SEC14L3: variants seen among roughly 807,000 people sequenced by gnomAD.
SEC14L3 encodes the protein SEC14 like lipid binding 3.
Under a neutral mutation model 57.4 loss-of-function variants are expected in SEC14L3, and 56 were observed. The ratio of observed to expected loss-of-function variants is 0.97; its 90% CI spans 0.79 to 1.22. The LOEUF (loss-of-function observed/expected upper bound fraction) is 1.22. SEC14L3 is among the 50% of genes most tolerant of loss of function. The pLI is 0.00. For missense variants in SEC14L3, 485 were observed against 511.7 expected, an observed-to-expected ratio of 0.95 and a Z score of 0.50; for synonymous variants, 173 against 194.4, an observed-to-expected ratio of 0.89 and a Z score of 0.92.
downstream of SEC14L3, among the ~76,000 whole-genome samples, chr22:30,458,647 C>G (rs4820850): frequency 0.7 from 107,164 of 152,132 alleles, 38,744 homozygotes; most frequent in African/African-American, 0.86. Context: ...TCTCAGCCTC[C>G]CCAAGGGCTG....
chr22:30,470,037 A>G lies in SEC14L3; in HGVS notation c.216T>C (p.Leu72=). The G allele has an allele frequency of 6.3e-7, 1 of 1,577,822 alleles. No individual in the cohort carries two copies. The highest frequency in any genetic ancestry group is 1.4e-5 in the African/African-American group (1 of 73,824). Residue 72 remains leucine (L), a synonymous_variant, in exon 4 of 12, where the codon CTT becomes CTC. Transcript: ENST00000215812. ...GGCTCACCTCTGGGGGCTGCCAATC[A>G]AGGATATGGTCAATATCCATGGTCT... ...FRKTMDIDHI[L]DWQPPEVIQK... is the part of the protein sequence containing the mutation.
chr22:30,462,454 T>C (rs1448932070), intron 8 of SEC14L3, among the ~76,000 whole-genome samples: 1 of 152,208 alleles, frequency 6.6e-6, no homozygotes, highest in Non-Finnish European at 1.5e-5. Context: ...TTGTCCAGTC[T>C]GGAGTGCAGT....
At chr22:30,466,423 G>T (rs866721709) in intron 6 of SEC14L3, 29 bp from the exon 7 acceptor site, 18 of 1,613,874 alleles carry the variant, frequency 1.1e-5, no homozygotes, top group Middle Eastern at 3.3e-4. Context: ...TCCCTTCAGA[G>T]AGCACATCAC....
downstream of SEC14L3, among the ~76,000 whole-genome samples, chr22:30,457,857 C>T (rs938733457): frequency 2.6e-5 from 4 of 152,016 alleles, no homozygotes; most frequent in Admixed American, 6.6e-5. Context: ...GAAGAGGTGA[C>T]GGGGTAAGGG....
At chr22:30,470,661 C>A in intron 1 of SEC14L3, 79 bp from the exon 2 acceptor site, 1 of 1,594,258 alleles carries the variant, frequency 6.3e-7, no homozygotes, top group Non-Finnish European at 8.6e-7. Context: ...TTTTCACAAC[C>A]TCTCCTTTCC....
chr22:30,455,119 T>TAATATACATTATATTTAATATTA (rs1341084735), downstream of SEC14L3, among the ~76,000 whole-genome samples: 769 of 78,184 alleles, frequency 9.8e-3, 19 homozygotes, highest in South Asian at 0.021. Context: ...ATTTAATATT[T>TAATATACATTATATTTAATATTA]AATATATATT....
At chr22:30,448,721 G>A (rs1212644780) in exon 13 of SEC14L3, 3 of 148,832 alleles carry the variant, frequency 2.0e-5, no homozygotes, top group African/African-American at 2.9e-5. Context: ...AAAAAAAAAA[G>A]AAAGAAAGAA....
intron 5 of SEC14L3, 98 bp from the exon 6 acceptor site, chr22:30,467,175 C>T: frequency 6.4e-7 from 1 of 1,551,846 alleles, no homozygotes; most frequent in South Asian, 1.2e-5. Context: ...CTTCTAGACC[C>T]CGACTCTGTC....
Position 30,461,574 on chromosome 22 carries a change from A to G in SEC14L3, c.892T>C (p.Phe298Leu). 1 of 1,614,028 alleles carries G rather than the reference A, an allele frequency of 6.2e-7. No individual in the cohort carries two copies. Among genetic ancestry groups the G allele is most frequent in the Non-Finnish European group, 8.5e-7 (1 of 1,180,008 alleles). ...SSHQVEYEILFPGCVLRWQFS... is the reference protein window; with the variant it reads ...SSHQVEYEILLPGCVLRWQFS... The stretch of plus-strand genomic sequence containing the variant: ...CCCTACCTGAGAACGCAGCCTGGAA[A>G]TAGGATCTCGTATTCCACTTGGTGT... Residue 298 changes from phenylalanine (F) to leucine (L), a missense_variant, in exon 10 of 12, where the codon TTT becomes CTT. Physicochemically the swap from Phe to Leu is conservative, Grantham distance 22. Coordinates refer to ENST00000215812, the MANE Select transcript of SEC14L3 (RefSeq NM_174975.5).
chr22:30,466,272 T>C, intron 7 of SEC14L3, 62 bp downstream of exon 7: 1 of 1,473,076 alleles, frequency 6.8e-7, no homozygotes, highest in Non-Finnish European at 9.5e-7. Context: ...GACAGTGTTA[T>C]CACCCTCAGC....
At chr22:30,465,010 C>A in intron 7 of SEC14L3, 107 bp from the exon 8 acceptor site, 2 of 1,531,320 alleles carry the variant, frequency 1.3e-6, no homozygotes, top group South Asian at 2.4e-5. Context: ...TAACCCTGGT[C>A]AATTCCAGTG....
downstream of SEC14L3, among the ~76,000 whole-genome samples, chr22:30,455,078 T>C (rs1935086254): frequency 1.2e-5 from 1 of 83,458 alleles, no homozygotes; most frequent in African/African-American, 5.0e-5. Context: ...ATATATAATA[T>C]ATTAAATATT....
downstream of SEC14L3, among the ~76,000 whole-genome samples, chr22:30,458,522 A>C (rs1374590089): frequency 6.6e-6 from 1 of 152,210 alleles, no homozygotes; most frequent in Non-Finnish European, 1.5e-5. Flanking sequence ...TGCCTTTGTA[A>C]AAGTGGAATC....
chr22:30,458,987 C>T (rs117871892), downstream of SEC14L3, among the ~76,000 whole-genome samples: 2,123 of 152,190 alleles, frequency 0.014, 55 homozygotes, highest in East Asian at 0.092. Flanking sequence ...CCTGGGTGGG[C>T]GACAGAGCGA....
chr22:30,449,274 AAAAC>A, intron 12 of SEC14L3: 1 of 1,547,074 alleles, frequency 6.5e-7, no homozygotes, highest in South Asian at 1.2e-5. Context: ...ATGAGAAAAC[AAAAC>A]AAACAAAAAG....
chr22:30,461,271 T>C, intron 11 of SEC14L3, 39 bp downstream of exon 11: 1 of 1,544,818 alleles, frequency 6.5e-7, no homozygotes, highest in Non-Finnish European at 8.7e-7. Flanking sequence ...CAGGTGGCTC[T>C]AGCCTTTCAG....
Position 30,461,373 on chromosome 22 carries a change from G to C in SEC14L3, c.1018C>G (p.Gln340Glu). The part of the protein sequence containing the change: ...AGEMTDVLPS[Q>E]RYNAHMVPED... Reference sequence around the variant, plus strand: ...GGCACCATGTGGGCGTTATAGCGCTGGCTGGGTAGAACATCTGTCATCTCC... The same window carrying C: ...GGCACCATGTGGGCGTTATAGCGCTCGCTGGGTAGAACATCTGTCATCTCC... Residue 340 changes from glutamine to glutamate, a missense_variant, in exon 11 of 12, where the codon CAG (glutamine) becomes GAG (glutamate). By Grantham distance (29) the Gln-to-Glu change is conservative. Coordinates refer to ENST00000215812, the MANE Select transcript of SEC14L3 (RefSeq NM_174975.5). 1 of 1,613,992 alleles carries C rather than the reference G, an allele frequency of 6.2e-7. No individual in the cohort carries two copies. The highest frequency in any genetic ancestry group is 8.5e-7 in the Non-Finnish European group (1 of 1,179,906).
intron 12 of SEC14L3, among the ~76,000 whole-genome samples, chr22:30,449,715 C>T (rs1019174970): frequency 3.0e-4 from 46 of 152,082 alleles, no homozygotes; most frequent in Admixed American, 2.5e-3. Flanking sequence ...CAGGCTTGCA[C>T]CACCATGCCC....
At chr22:30,455,287 C>T (rs1008779688), downstream of SEC14L3, among the ~76,000 whole-genome samples, 45 of 139,364 alleles carry the variant, frequency 3.2e-4, no homozygotes, top group Admixed American at 4.8e-4. Context: ...GAGTCTCTGT[C>T]GCCCAGGCTG....
Sources: allele counts gnomAD v4.1 joint callset (sites outside exome capture counted in the v4.1 genomes callset), GRCh38; gene constraint gnomAD v4.1.1; transcripts MANE v1.5; gene names NCBI Gene and HGNC (gene_info 2026-07-23, HGNC 2026-07-21).